BDH1: variants seen among roughly 807,000 people sequenced by gnomAD.
The protein encoded by BDH1 is 3-hydroxybutyrate dehydrogenase 1, also known as D-beta-hydroxybutyrate dehydrogenase, mitochondrial.
Under a neutral mutation model 33.1 loss-of-function variants are expected in BDH1, and 30 were observed. The ratio of observed to expected loss-of-function variants is 0.91; its 90% CI spans 0.68 to 1.23. The LOEUF (loss-of-function observed/expected upper bound fraction) is 1.23. BDH1 is among the 50% of genes most tolerant of loss of function. BDH1 has a pLI of 0.00. For missense variants in BDH1, 443 were observed against 464.4 expected, an observed-to-expected ratio of 0.95 and a Z score of 0.42; for synonymous variants, 190 against 183.6, an observed-to-expected ratio of 1.03 and a Z score of -0.28.
At position 197,532,287 on chromosome 3, in the gene BDH1, G is replaced by A. The variant is rs764067919; in HGVS notation, c.267+125C>T. 4.7e-4 allele frequency: 333 copies of A among 713,922 alleles called. 1 individual carries two copies. Among genetic ancestry groups the A allele is most frequent in the Middle Eastern group, 2.2e-3 (9 of 4,152 alleles). 44.2% of individuals were successfully genotyped at this position (713,922 alleles called of 1,614,324 possible). On this transcript the variant is annotated intron_variant, in intron 5 of 7. Coordinates refer to ENST00000392379, the MANE Select transcript of BDH1 (RefSeq NM_203314.3). ...ATGAAGAACAAGTGGGACTGAAGCC[G>A]ATGGAAAATGGACAGGCTGGTTTAA...
chr3:197,551,835 C>T, intron 2 of BDH1, among the ~76,000 whole-genome samples: 1 of 152,144 alleles, frequency 6.6e-6, no homozygotes, highest in East Asian at 1.9e-4. Context: ...GTTACCCGAG[C>T]TGTCAAAACT....
At position 197,512,358 on chromosome 3, in the gene BDH1, A is replaced by ACG; in HGVS notation, c.567_568dup (p.Val190AlafsTer27). 1 of 1,603,198 alleles carries ACG rather than the reference A, an allele frequency of 6.2e-7. No homozygotes were observed. The highest frequency in any genetic ancestry group is 8.5e-7 in the Non-Finnish European group (1 of 1,177,396). On this transcript the variant is annotated frameshift_variant, in exon 8 of 8. Coordinates refer to ENST00000392379, the MANE Select transcript of BDH1 (RefSeq NM_203314.3). LOFTEE classifies it high-confidence loss of function. ...GCCCAGCATGCTGCTGATATTGACG[A>ACG]CGCGGCCTACAGAGGGAGACAGAGG...
chr3:197,521,315 G>A lies in BDH1; in HGVS notation c.409+1325C>T, dbSNP rs183527183. ...CTGTATTCTACATGAATGGCACCCCGAGGTTGCAGACAGAGCTCCTCCCAC... is the reference window on the plus strand; with the variant it reads ...CTGTATTCTACATGAATGGCACCCCAAGGTTGCAGACAGAGCTCCTCCCAC... On this transcript the variant is annotated intron_variant, in intron 6 of 7. Transcript: ENST00000392379. This position sits in a 1 kb window ranked among gnomAD's most constrained non-coding sequence, Gnocchi z 4.9. Among the ~76,000 whole-genome samples, 7 of 152,272 alleles carry A rather than the reference G, an allele frequency of 4.6e-5. No individual in the cohort carries two copies. The highest frequency in any genetic ancestry group is 7.4e-5 in the Non-Finnish European group (5 of 68,014).
intron 3 of BDH1, chr3:197,538,288 G>T: frequency 2.2e-6 from 1 of 456,788 alleles, no homozygotes; most frequent in Non-Finnish European, 4.4e-6. Flanking sequence ...GGGGAAAAGA[G>T]ATGGGAGATA....
Position 197,533,810 on chromosome 3 carries a change from T to C in BDH1, c.84-249A>G, listed in dbSNP as rs575178225. 8.1e-4 allele frequency: 408 copies of C among 503,382 alleles called. 1 individual carries two copies. The highest frequency in any genetic ancestry group is 6.3e-3 in the African/African-American group (329 of 52,068). The allele number at this position is 503,382 out of a possible 1,614,324, so 31.2% of individuals were successfully genotyped here. A position where few individuals can be genotyped will look rare whatever the true frequency, so the allele number is the denominator to read the frequency against. ...AGAATAAAGCCAATTCTGAAGCTACTTTTGTTGGGCAGGCTCTGCTAAACC... is the reference window on the plus strand; with the variant it reads ...AGAATAAAGCCAATTCTGAAGCTACCTTTGTTGGGCAGGCTCTGCTAAACC... On this transcript the variant is annotated intron_variant, in intron 3 of 7. Transcript: ENST00000392379.
Position 197,546,507 on chromosome 3 carries a change from C to T in BDH1, c.-43-21G>A, listed in dbSNP as rs890327616. 1.2e-4 allele frequency: 183 copies of T among 1,511,328 alleles called. 1 individual carries two copies. Among genetic ancestry groups the T allele is most frequent in the Non-Finnish European group, 1.5e-4 (166 of 1,088,730 alleles). 93.6% of individuals were successfully genotyped at this position (1,511,328 alleles called of 1,614,324 possible). A position where few individuals can be genotyped will look rare whatever the true frequency, so the allele number is the denominator to read the frequency against. On this transcript the variant is annotated intron_variant, in intron 2 of 7. Coordinates refer to ENST00000392379, the MANE Select transcript of BDH1 (RefSeq NM_203314.3). Reference sequence around the variant, plus strand: ...TGGTTCTGAAACATAAATGCACCCTCAGCATTACTTTGTTGCCTTCCGGGC... The same window carrying T: ...TGGTTCTGAAACATAAATGCACCCTTAGCATTACTTTGTTGCCTTCCGGGC...
At chr3:197,542,253 T>C (rs60524668) in intron 3 of BDH1, among the ~76,000 whole-genome samples, 53,456 of 152,096 alleles carry the variant, frequency 0.35, 10,076 homozygotes, top group African/African-American at 0.48. Context: ...CCTAGACTTC[T>C]AGGGGTTCCT....
intron 5 of BDH1, among the ~76,000 whole-genome samples, chr3:197,527,284 C>T (rs1035217242): frequency 2.6e-5 from 4 of 152,270 alleles, no homozygotes; most frequent in Admixed American, 6.5e-5. Flanking sequence ...CGAAGTGTTA[C>T]GAGCAAGGGT....
At chr3:197,573,162 A>G (rs1366787977) in intron 1 of BDH1, 1 of 152,124 alleles carries the variant, frequency 6.6e-6, no homozygotes, top group Non-Finnish European at 1.5e-5. Flanking sequence ...CCACATGTTC[A>G]AGTTCAGCTG....
At chr3:197,546,936 T>G (rs1227656420) in intron 2 of BDH1, among the ~76,000 whole-genome samples, 1 of 152,228 alleles carries the variant, frequency 6.6e-6, no homozygotes, top group East Asian at 1.9e-4. Context: ...GGTGCCCACC[T>G]GCCCCTGCAG....
rs770707840 is a variant in BDH1, at chr3:197,554,979, AG to A, written c.-195-267del. Among the ~76,000 whole-genome samples the A allele has an allele frequency of 1.3e-5, 2 of 152,208 alleles. No individual in the cohort carries two copies. The highest frequency in any genetic ancestry group is 2.4e-5 in the African/African-American group (1 of 41,454). ...ACGGCCGGCCGGAGGGCGGGGAGAG[AG>A]GGGGGCTCGGCCAGAGCCACGCTTC... On this transcript the variant is annotated intron_variant, in intron 1 of 7. Coordinates refer to ENST00000392379, the MANE Select transcript of BDH1 (RefSeq NM_203314.3). The surrounding 1 kb of genome is among the most constrained non-coding windows in gnomAD (Gnocchi z 4.4).
upstream of BDH1, chr3:197,556,099 A>T (rs1717015655): frequency 6.6e-6 from 1 of 152,138 alleles, no homozygotes. Flanking sequence ...CCTGATCGCT[A>T]GGCTCCCGGT....
In BDH1 at chr3:197,512,002, T is replaced by TGGC; in HGVS notation, c.922_924dup (p.Ala308dup). 1 of 1,613,638 alleles carries TGGC rather than the reference T, an allele frequency of 6.2e-7. No homozygotes were observed. ...GGGTGGTAGCGGGTGTAGGGGGTGG[T>TGGC]GGCGGTCAGGGCGTGTGTGACAGCA... On this transcript the variant is annotated inframe_insertion, in exon 8 of 8. Transcript: ENST00000392379.
At chr3:197,543,884 A>T (rs1316344663) in intron 3 of BDH1, among the ~76,000 whole-genome samples, 2 of 152,146 alleles carry the variant, frequency 1.3e-5, no homozygotes, top group African/African-American at 4.8e-5. Context: ...CTCAGTGTGA[A>T]TGCAGGGGCA....
chr3:197,547,394 C>T (rs1716175129), intron 2 of BDH1, among the ~76,000 whole-genome samples: 1 of 152,212 alleles, frequency 6.6e-6, no homozygotes, highest in Admixed American at 6.5e-5. Context: ...GAGGCTCCTC[C>T]CCTGCCTGTT....
In BDH1 at chr3:197,542,521, C is replaced by CTTTTTTTTT. The variant is rs71164295; in HGVS notation, c.83+3831_83+3839dup. Among the ~76,000 whole-genome samples, 615 of 106,362 alleles carry CTTTTTTTTT rather than the reference C, an allele frequency of 5.8e-3. 61 individuals carry two copies. The highest frequency in any genetic ancestry group is 0.022 in the African/African-American group (514 of 23,404). 69.8% of individuals were successfully genotyped at this position (106,362 alleles called of 152,430 possible). A position where few individuals can be genotyped will look rare whatever the true frequency, so the allele number is the denominator to read the frequency against. On this transcript the variant is annotated intron_variant, in intron 3 of 7. Coordinates refer to ENST00000392379, the MANE Select transcript of BDH1 (RefSeq NM_203314.3). ...GTCAACACGCTTTCTTTCTTGCTTG[C>CTTTTTTTTT]TTTTTTTTTTTTTTTTTTTGAGACG...
rs533269986 is a variant in BDH1 at position 197,521,747 on chromosome 3, T to G, written c.409+893A>C. Among the ~76,000 whole-genome samples the G allele has an allele frequency of 1.2e-4, 19 of 152,274 alleles. No individual in the cohort carries two copies. The highest frequency in any genetic ancestry group is 3.4e-4 in the African/African-American group (14 of 41,556). ...GTCACCAAGTCCAGGCAGCTTCGCCTTCTCAACACTCCTCGCACCTGACCC... is the reference window on the plus strand; with the variant it reads ...GTCACCAAGTCCAGGCAGCTTCGCCGTCTCAACACTCCTCGCACCTGACCC... On this transcript the variant is annotated intron_variant, in intron 6 of 7. Coordinates refer to ENST00000392379, the MANE Select transcript of BDH1 (RefSeq NM_203314.3). The surrounding 1 kb of genome is among the most constrained non-coding windows in gnomAD (Gnocchi z 4.9).
chr3:197,569,172 C>A lies in BDH1; in HGVS notation c.-44+4009G>T, dbSNP rs1027113942. On this transcript the variant is annotated intron_variant, in intron 1 of 6. Coordinates refer to the BDH1 transcript ENST00000358186. ...CAAATGCTTTGGGTTAAGCACACCA[C>A]CAATTGTTCTGAGGTTCTTTCTTTG... Among the ~76,000 whole-genome samples, 6 of 152,298 alleles carry A rather than the reference C, an allele frequency of 3.9e-5. No homozygotes were observed. In the South Asian group the frequency reaches 1.2e-3, roughly 32 times the overall value.
At chr3:197,572,828 T>C (rs182613348) in intron 1 of BDH1, among the ~76,000 whole-genome samples, 4 of 152,340 alleles carry the variant, frequency 2.6e-5, no homozygotes, top group Admixed American at 2.0e-4. Flanking sequence ...GAACTTCAAA[T>C]TCTATTTTTT....
Sources: gnomAD v4.1 joint callset for allele counts (sites outside exome capture counted in the v4.1 genomes callset) on GRCh38, gnomAD v4.1.1 for gene constraint, Gnocchi (gnomAD v3.1) non-coding constraint, MANE v1.5 for transcripts, NCBI Gene and HGNC (gene_info 2026-07-23, HGNC 2026-07-21) for gene names.